Variants in ZNF385D observed in about 807,000 individuals in gnomAD.
ZNF385D encodes the protein zinc finger protein 385D, also known as zinc finger protein 659.
ZNF385D carries 15 observed loss-of-function variants against 35.8 expected under a neutral mutation model. The observed-to-expected ratio is 0.42, with a 90% CI of 0.28 to 0.64. ZNF385D has a LOEUF of 0.64. Ranked by LOEUF, ZNF385D falls within the 30% of genes least tolerant of loss-of-function variation. The pLI is 0.23. For missense variants in ZNF385D, 474 were observed against 494.6 expected (o/e 0.96, Z 0.39); for synonymous variants, 212 against 186.8 (o/e 1.13, Z -1.10).
At chr3:21,739,510 G>A (rs1243999314) in intron 1 of ZNF385D, among the ~76,000 whole-genome samples, 2 of 152,122 alleles carry the variant, frequency 1.3e-5, no homozygotes, top group Admixed American at 6.5e-5. Context: ...AAACAAGGTC[G>A]ACAGGAACAT....
At chr3:21,668,828 G>A (rs934598762) in intron 1 of ZNF385D, among the ~76,000 whole-genome samples, 9 of 151,992 alleles carry the variant, frequency 5.9e-5, no homozygotes, top group South Asian at 2.1e-4. Flanking sequence ...TAGCTATTTC[G>A]TTTTCCCATA....
chr3:21,844,705 G>A (rs1210644152), intron 3 of ZNF385D, among the ~76,000 whole-genome samples: 1 of 151,874 alleles, frequency 6.6e-6, no homozygotes, highest in African/African-American at 2.4e-5. Context: ...AGGCCTATGG[G>A]AATTTGTTAC....
At chr3:21,920,926 A>C (rs1268140584) in intron 3 of ZNF385D, among the ~76,000 whole-genome samples, 1 of 152,066 alleles carries the variant, frequency 6.6e-6, no homozygotes, top group Non-Finnish European at 1.5e-5. Context: ...TAAGAAAAAC[A>C]AACACTGGGT....
At chr3:21,965,525 T>C (rs1702864772) in intron 3 of ZNF385D, among the ~76,000 whole-genome samples, 1 of 152,112 alleles carries the variant, frequency 6.6e-6, no homozygotes, top group Non-Finnish European at 1.5e-5. Context: ...TCTTCACAGA[T>C]GTCCAAACAA....
rs538008396 is a variant in ZNF385D, at chr3:21,559,415, A to G, written c.276+5159T>C. On this transcript the variant is annotated intron_variant, in intron 3 of 7. Coordinates refer to ENST00000281523, the MANE Select transcript of ZNF385D (RefSeq NM_024697.3). ...AAAGGATTTTATTTCTCCTTCACTT[A>G]CAAAGCTTAGTTTGCCTGGATAGGA... is the stretch of plus-strand genomic sequence containing the variant. 2.9e-4 allele frequency among the ~76,000 whole-genome samples: 44 copies of G among 152,222 alleles called. 1 individual carries two copies. Among genetic ancestry groups the G allele is most frequent in the East Asian group, 1.5e-3 (8 of 5,164 alleles).
chr3:21,656,905 T>C (rs368126937), intron 2 of ZNF385D, among the ~76,000 whole-genome samples: 11 of 151,892 alleles, frequency 7.2e-5, no homozygotes, highest in Admixed American at 2.0e-4. Flanking sequence ...CAAAATGAGG[T>C]GTAAGCTTCA....
rs1348577277 is a variant in ZNF385D at position 22,106,395 on chromosome 3, A to T, written c.325+62422T>A. ...GTCACTGTTCTCCTAGGTCCAGCTG[A>T]AAGGACAAAAAAATCTTACATTTTC... On this transcript the variant is annotated intron_variant, in intron 3 of 5. Transcript: ENST00000494108. Among the ~76,000 whole-genome samples, 3 of 142,336 alleles carry T rather than the reference A, an allele frequency of 2.1e-5. No individual in the cohort carries two copies. In the East Asian group the frequency reaches 5.9e-4, roughly 28 times the overall value. The allele number at this position is 142,336 out of a possible 152,430, so 93.4% of individuals were successfully genotyped here. A position where few individuals can be genotyped will look rare whatever the true frequency, so the allele number is the denominator to read the frequency against.
chr3:21,760,233 C>G (rs572585657), intron 3 of ZNF385D, among the ~76,000 whole-genome samples: 30 of 152,280 alleles, frequency 2.0e-4, no homozygotes, highest in South Asian at 1.4e-3. Context: ...TTCTGGAAAT[C>G]TGCAGTATTC....
intron 1 of ZNF385D, among the ~76,000 whole-genome samples, chr3:21,721,796 C>A (rs1462377954): frequency 2.0e-5 from 3 of 152,096 alleles, no homozygotes; most frequent in Non-Finnish European, 2.9e-5. Context: ...GTAACAGTAT[C>A]CTATCTTAAA....
At chr3:21,467,056 T>C (rs1037976839) in intron 4 of ZNF385D, among the ~76,000 whole-genome samples, 1 of 152,188 alleles carries the variant, frequency 6.6e-6, no homozygotes, top group Non-Finnish European at 1.5e-5. Flanking sequence ...TCGGTTCTTG[T>C]GCTGAATACT....
intron 3 of ZNF385D, among the ~76,000 whole-genome samples, chr3:21,962,691 A>G (rs1017694036): frequency 6.6e-6 from 1 of 152,180 alleles, no homozygotes; most frequent in East Asian, 1.9e-4. Context: ...GAGGTGTCCA[A>G]TTCTCTGTGG....
intron 4 of ZNF385D, among the ~76,000 whole-genome samples, chr3:21,467,878 C>T (rs1048545916): frequency 1.3e-5 from 2 of 151,884 alleles, no homozygotes; most frequent in African/African-American, 4.8e-5. Flanking sequence ...GGGTATTGAC[C>T]ACAATAAGAA....
intron 2 of ZNF385D, among the ~76,000 whole-genome samples, chr3:22,203,440 A>G (rs768907696): frequency 2.6e-5 from 4 of 152,152 alleles, no homozygotes; most frequent in South Asian, 2.1e-4. Context: ...TGTGGTGGCT[A>G]CAAGGAGAGA....
chr3:22,352,759 T>C (rs1014833506), intron 2 of ZNF385D, among the ~76,000 whole-genome samples: 6 of 152,170 alleles, frequency 3.9e-5, no homozygotes, highest in Admixed American at 1.3e-4. Flanking sequence ...GAGGCATACA[T>C]AGTTCTCCAC....
chr3:21,772,405 AG>A (rs2125615162), intron 3 of ZNF385D, among the ~76,000 whole-genome samples: 1 of 152,080 alleles, frequency 6.6e-6, no homozygotes, highest in East Asian at 1.9e-4. Context: ...CAAGCTGATT[AG>A]AAAATGGACA....
At chr3:21,908,942 T>C in intron 3 of ZNF385D, among the ~76,000 whole-genome samples, 1 of 152,206 alleles carries the variant, frequency 6.6e-6, no homozygotes, top group Non-Finnish European at 1.5e-5. Flanking sequence ...TTTTACCTAG[T>C]TAATAATCAC....
intron 2 of ZNF385D, among the ~76,000 whole-genome samples, chr3:21,664,335 T>C (rs2066335540): frequency 6.6e-6 from 1 of 152,034 alleles, no homozygotes; most frequent in South Asian, 2.1e-4. Context: ...CAAAGAAATA[T>C]GAGAGTTAAC....
chr3:21,513,566 G>A (rs372494382), intron 3 of ZNF385D, among the ~76,000 whole-genome samples: 23 of 152,008 alleles, frequency 1.5e-4, no homozygotes, highest in East Asian at 3.9e-4. Flanking sequence ...GGTCCAAGGC[G>A]TTATAGATAA....
At chr3:21,621,599 G>A (rs2065009121) in intron 2 of ZNF385D, among the ~76,000 whole-genome samples, 1 of 122,298 alleles carries the variant, frequency 8.2e-6, no homozygotes, top group Non-Finnish European at 1.7e-5. Flanking sequence ...AGTGTAGTTT[G>A]CTTTATGCAG....
Sources: gnomAD v4.1 joint callset for allele counts (sites outside exome capture counted in the v4.1 genomes callset) on GRCh38, gnomAD v4.1.1 for gene constraint, MANE v1.5 for transcripts, NCBI Gene and HGNC (gene_info 2026-07-23, HGNC 2026-07-21) for gene names.